ASAP2: variants seen among roughly 807,000 people sequenced by gnomAD.
ASAP2 encodes the protein arf-GAP with SH3 domain, ANK repeat and PH domain-containing protein 2.
In ASAP2, 45 loss-of-function variants were observed where a neutral mutation model predicts 131.4. The ratio of observed to expected loss-of-function variants is 0.34; its 90% confidence interval spans 0.27 to 0.44. The LOEUF (loss-of-function observed/expected upper bound fraction) is 0.44. ASAP2 is among the 20% of genes least tolerant of loss of function. ASAP2 has a pLI of 1.00. For missense variants in ASAP2, 1,011 were observed against 1,297.0 expected, an observed-to-expected ratio of 0.78 and a Z score of 3.39; for synonymous variants, 510 against 503.0, an observed-to-expected ratio of 1.01 and a Z score of -0.19.
chr2:9,394,943 C>T (rs1676000300), intron 24 of ASAP2, among the ~76,000 whole-genome samples: 1 of 152,204 alleles, frequency 6.6e-6, no homozygotes, highest in Non-Finnish European at 1.5e-5. Flanking sequence ...GCTGACGCTG[C>T]CTGTCAGCCA....
At chr2:9,379,674 C>T (rs1021767210) in intron 19 of ASAP2, among the ~76,000 whole-genome samples, 1 of 152,166 alleles carries the variant, frequency 6.6e-6, no homozygotes, top group African/African-American at 2.4e-5. Flanking sequence ...AAAAAAGACA[C>T]ACATCTGCCT....
chr2:9,365,350 G>C (rs1673387935), intron 15 of ASAP2, among the ~76,000 whole-genome samples: 1 of 152,156 alleles, frequency 6.6e-6, no homozygotes, highest in African/African-American at 2.4e-5. Context: ...TGACCTTGGG[G>C]TCTCCTGAGC....
At chr2:9,371,682 C>T (rs1365436660) in intron 16 of ASAP2, among the ~76,000 whole-genome samples, 1 of 152,038 alleles carries the variant, frequency 6.6e-6, no homozygotes, top group Non-Finnish European at 1.5e-5. Flanking sequence ...TGTATTTGCT[C>T]ACAGGAGCCA....
At chr2:9,299,116 G>C (rs542016333) in intron 3 of ASAP2, among the ~76,000 whole-genome samples, 1 of 152,270 alleles carries the variant, frequency 6.6e-6, no homozygotes, top group South Asian at 2.1e-4. Flanking sequence ...AAAGAGAGAA[G>C]GTTGTCATCA....
rs1677135867 is a variant in ASAP2 at position 9,405,423 on chromosome 2, A to C, written c.*2096A>C. 6.6e-6 allele frequency: 1 copy of C among 152,660 alleles called. No homozygotes were observed. Among genetic ancestry groups the C allele is most frequent in the African/African-American group, 2.4e-5 (1 of 41,462 alleles). The allele number at this position is 152,660 out of a possible 1,614,324, so 9.5% of individuals were successfully genotyped here. ...ATGATGGCTCAGAACATGTACACAG[A>C]CTAAGAGTAACTGTGTGATCTGTTA... On this transcript the variant is annotated 3_prime_UTR_variant, in exon 28 of 28. Transcript: ENST00000281419.
intron 3 of ASAP2, among the ~76,000 whole-genome samples, chr2:9,313,810 C>T (rs1190454687): frequency 6.6e-6 from 1 of 152,158 alleles, no homozygotes; most frequent in East Asian, 1.9e-4. Flanking sequence ...GGCCTGACCA[C>T]CTAAAACCTA....
chr2:9,374,909 G>T lies in ASAP2; in HGVS notation c.1711G>T (p.Asp571Tyr). 6.2e-7 allele frequency: 1 copy of T among 1,611,528 alleles called. No homozygotes were observed. The highest frequency in any genetic ancestry group is 8.5e-7 in the Non-Finnish European group (1 of 1,179,254). The change falls in exon 17 of 28, where the codon GAT (aspartate) becomes TAT (tyrosine). Residue 571 changes from aspartate (D) to tyrosine (Y), a missense_variant. This residue lies in a region of ASAP2 where 652 missense variants were observed against 698.9 expected (regional missense o/e 0.93). Coordinates refer to ENST00000281419, the MANE Select transcript of ASAP2 (RefSeq NM_003887.3). ...GLLQAYADGV[D>Y]LTEKIPLANG... ...GCTCCAAGCTTATGCTGATGGTGTG[G>T]ATCTTACGGAAAAAATCCCACTGGC...
In ASAP2 at chr2:9,268,939, G is replaced by T. The variant is rs963145031; in HGVS notation, c.127-10378G>T. ...AACTCAGGGTGCTGGGGACAAACCGGTGCTGTGCTGCCTGCAGTGTGGGCT... is the reference window on the plus strand; with the variant it reads ...AACTCAGGGTGCTGGGGACAAACCGTTGCTGTGCTGCCTGCAGTGTGGGCT... On this transcript the variant is annotated intron_variant, in intron 1 of 27. Transcript: ENST00000281419. The surrounding 1 kb of genome is among the most constrained non-coding windows in gnomAD (Gnocchi z 4.1). 1.3e-5 allele frequency among the ~76,000 whole-genome samples: 2 copies of T among 152,146 alleles called. No individual in the cohort carries two copies. Among genetic ancestry groups the T allele is most frequent in the African/African-American group, 4.8e-5 (2 of 41,398 alleles).
At chr2:9,231,943 C>T (rs1663194983) in intron 1 of ASAP2, among the ~76,000 whole-genome samples, 1 of 152,154 alleles carries the variant, frequency 6.6e-6, no homozygotes, top group Non-Finnish European at 1.5e-5. Flanking sequence ...CTCCAGTTGC[C>T]CATCTTGTCC....
intron 1 of ASAP2, among the ~76,000 whole-genome samples, chr2:9,267,634 T>A (rs1325126397): frequency 6.6e-6 from 1 of 152,058 alleles, no homozygotes; most frequent in African/African-American, 2.4e-5. Flanking sequence ...CAGTTTCTCA[T>A]GCCTGTAATC....
intron 1 of ASAP2, among the ~76,000 whole-genome samples, chr2:9,273,907 C>T (rs553979852): frequency 6.6e-6 from 1 of 152,308 alleles, no homozygotes; most frequent in Admixed American, 6.5e-5. Flanking sequence ...CAAAGGCTGT[C>T]TAGTCCCCAG....
chr2:9,331,575 C>T (rs1268763820), intron 7 of ASAP2, among the ~76,000 whole-genome samples: 2 of 152,132 alleles, frequency 1.3e-5, no homozygotes, highest in Admixed American at 6.5e-5. Flanking sequence ...CAAGACCAGC[C>T]TGGCCAACAT....
intron 3 of ASAP2, among the ~76,000 whole-genome samples, chr2:9,303,635 C>G (rs995988461): frequency 1.3e-5 from 2 of 152,192 alleles, no homozygotes; most frequent in Non-Finnish European, 2.9e-5. Flanking sequence ...ATCTAAGACC[C>G]AAAAGACTTC....
intron 15 of ASAP2, among the ~76,000 whole-genome samples, chr2:9,362,700 G>C (rs1444781743): frequency 6.6e-6 from 1 of 152,044 alleles, no homozygotes. Flanking sequence ...AAACTAGCTG[G>C]GAGTGGTGGC....
At chr2:9,327,977 T>C in intron 7 of ASAP2, 66 bp downstream of exon 7, 1 of 1,216,538 alleles carries the variant, frequency 8.2e-7, no homozygotes, top group South Asian at 1.5e-5. Context: ...GGTAGATCTA[T>C]AGATAGCTCA....
intron 3 of ASAP2, among the ~76,000 whole-genome samples, chr2:9,310,300 G>A (rs1423813899): frequency 6.6e-6 from 1 of 152,176 alleles, no homozygotes; most frequent in African/African-American, 2.4e-5. Flanking sequence ...CATGATGCAG[G>A]CAAGCCTCAG....
At chr2:9,246,501 A>G (rs1300649795) in intron 1 of ASAP2, among the ~76,000 whole-genome samples, 12 of 152,158 alleles carry the variant, frequency 7.9e-5, no homozygotes, top group Non-Finnish European at 7.3e-5. Flanking sequence ...CATATTGCCC[A>G]GACTGGTTTT....
At chr2:9,369,270 C>G (rs1303732761) in intron 16 of ASAP2, among the ~76,000 whole-genome samples, 1 of 152,196 alleles carries the variant, frequency 6.6e-6, no homozygotes, top group East Asian at 1.9e-4. Flanking sequence ...CCACTCGCTG[C>G]AGCCTCCCAA....
intron 23 of ASAP2, among the ~76,000 whole-genome samples, chr2:9,391,615 G>A (rs548081951): frequency 4.0e-4 from 54 of 134,640 alleles, no homozygotes; most frequent in African/African-American, 1.4e-3. Context: ...TCACTCCATC[G>A]CCCAGGCTGG....
Sources: allele counts gnomAD v4.1 joint callset (sites outside exome capture counted in the v4.1 genomes callset), GRCh38; gene constraint gnomAD v4.1.1; regional missense constraint gnomAD v4.1.1; non-coding constraint Gnocchi (gnomAD v3.1); transcripts MANE v1.5; gene names NCBI Gene and HGNC (gene_info 2026-07-23, HGNC 2026-07-21).